PSMA1: variants seen among roughly 807,000 people sequenced by gnomAD.
PSMA1 encodes the protein proteasome 20S subunit alpha 1, also known as proteasome subunit alpha type-1.
PSMA1 carries 3 observed loss-of-function variants against 38.4 expected under a neutral mutation model. That is an observed-to-expected ratio of 0.08 (90% confidence interval 0.04 to 0.20). The LOEUF (loss-of-function observed/expected upper bound fraction) is 0.20, where lower values mean the gene tolerates loss of function less well. Among genes scored for constraint, PSMA1 ranks in the 10% least tolerant of loss-of-function variants. The pLI, the probability that PSMA1 is intolerant of heterozygous loss-of-function variation, is 1.00. For missense variants in PSMA1, 227 were observed against 325.3 expected (o/e 0.70, Z 2.32); for synonymous variants, 101 against 107.1 (o/e 0.94, Z 0.35).
intron 2 of PSMA1, among the ~76,000 whole-genome samples, chr11:14,536,426 C>G (rs1441380767): frequency 6.6e-6 from 1 of 151,726 alleles, no homozygotes; most frequent in African/African-American, 2.4e-5. Flanking sequence ...ACTCAGGAGG[C>G]TGAGGCAAGA....
intron 7 of PSMA1, 117 bp downstream of exon 7, chr11:14,513,453 T>A (rs2305306): frequency 0.36 from 409,895 of 1,131,976 alleles, 76,713 homozygotes; most frequent in East Asian, 0.46. Context: ...TAATTTTTTT[T>A]AAAAAAATTC....
At chr11:14,518,106 T>C in intron 2 of PSMA1, 125 bp from the exon 3 acceptor site, 3 of 188,660 alleles carry the variant, frequency 1.6e-5, no homozygotes, top group South Asian at 1.6e-4. Flanking sequence ...TCAAGAGACC[T>C]TTTTTTTTTT....
At chr11:14,607,502 T>C (rs1176280572) in intron 2 of PSMA1, among the ~76,000 whole-genome samples, 1 of 152,232 alleles carries the variant, frequency 6.6e-6, no homozygotes, top group Non-Finnish European at 1.5e-5. Context: ...GGCAACATTG[T>C]ACCCCTGGCT....
rs374853393 is a variant in PSMA1 at position 14,633,047 on chromosome 11, T to G, written c.-166+10408A>C. 7.5e-4 allele frequency among the ~76,000 whole-genome samples: 114 copies of G among 151,506 alleles called. 3 individuals carry two copies. The East Asian group carries it at 0.014, about 18-fold the overall frequency. ...CTAGTTATACATTCTTCTAAATTTTTTTCAAAGTTTTCAACTTCTTTGCCT... is the reference window on the plus strand; with the variant it reads ...CTAGTTATACATTCTTCTAAATTTTGTTCAAAGTTTTCAACTTCTTTGCCT... On this transcript the variant is annotated intron_variant, in intron 1 of 10. Coordinates refer to the PSMA1 transcript ENST00000418988.
At chr11:14,599,164 C>T (rs572802550) in intron 2 of PSMA1, among the ~76,000 whole-genome samples, 1 of 152,176 alleles carries the variant, frequency 6.6e-6, no homozygotes, top group African/African-American at 2.4e-5. Context: ...TCTGGCTGCA[C>T]TTAACATTTT....
At chr11:14,536,761 G>A (rs1364866051) in intron 2 of PSMA1, among the ~76,000 whole-genome samples, 4 of 151,860 alleles carry the variant, frequency 2.6e-5, no homozygotes, top group South Asian at 4.2e-4. Context: ...ACAGGCGCCC[G>A]CCACCACGCC....
intron 2 of PSMA1, among the ~76,000 whole-genome samples, chr11:14,602,482 A>C (rs1474403332): frequency 6.6e-6 from 1 of 152,142 alleles, no homozygotes; most frequent in East Asian, 1.9e-4. Context: ...AAAAAATCAT[A>C]GTAATAGAAA....
intron 1 of PSMA1, among the ~76,000 whole-genome samples, chr11:14,643,303 T>C (rs529249645): frequency 3.9e-5 from 6 of 152,028 alleles, no homozygotes; most frequent in African/African-American, 1.4e-4. Flanking sequence ...AGACCCACCC[T>C]GAAAGGGACT....
chr11:14,627,382 C>T (rs943799541), intron 1 of PSMA1, among the ~76,000 whole-genome samples: 4 of 152,124 alleles, frequency 2.6e-5, no homozygotes, highest in South Asian at 2.1e-4. Context: ...AGTCCCATCT[C>T]GGGTTTAATG....
intron 2 of PSMA1, among the ~76,000 whole-genome samples, chr11:14,529,534 C>T (rs947768741): frequency 2.0e-5 from 3 of 152,164 alleles, no homozygotes; most frequent in Non-Finnish European, 4.4e-5. Flanking sequence ...TCCAGGTTTC[C>T]TTCCTTCTTT....
At chr11:14,564,627 A>G (rs1852046895) in intron 2 of PSMA1, among the ~76,000 whole-genome samples, 1 of 152,188 alleles carries the variant, frequency 6.6e-6, no homozygotes, top group Admixed American at 6.5e-5. Flanking sequence ...AAACTGTCAG[A>G]GTGGCTGTCC....
In PSMA1 at chr11:14,593,706, A is replaced by T. The variant is rs191535387; in HGVS notation, c.21+17260T>A. ...GTCCTAATAAGAGAAAGGCACAAAG[A>T]TCGGCTTTCTTTCAGCAAAATCTGT... On this transcript the variant is annotated intron_variant, in intron 2 of 10. Coordinates refer to the PSMA1 transcript ENST00000418988. Among the ~76,000 whole-genome samples, 8 of 151,300 alleles carry T rather than the reference A, an allele frequency of 5.3e-5. No homozygotes were observed. In the East Asian group the frequency reaches 1.6e-3, roughly 30 times the overall value.
upstream of PSMA1, among the ~76,000 whole-genome samples, chr11:14,521,285 G>T (rs1851523267): frequency 6.7e-6 from 1 of 148,562 alleles, no homozygotes; most frequent in Non-Finnish European, 1.5e-5. Flanking sequence ...AATACAGTGG[G>T]ACCTCGTCGC....
intron 2 of PSMA1, among the ~76,000 whole-genome samples, chr11:14,576,313 G>T (rs1226280739): frequency 6.6e-6 from 1 of 152,094 alleles, no homozygotes; most frequent in Non-Finnish European, 1.5e-5. Flanking sequence ...TTTGGCTTTT[G>T]TTGCCATTGC....
chr11:14,592,822 A>C (rs1852440081), intron 2 of PSMA1, among the ~76,000 whole-genome samples: 1 of 152,220 alleles, frequency 6.6e-6, no homozygotes, highest in African/African-American at 2.4e-5. Flanking sequence ...CAGTCTCCTC[A>C]TATCTCAGGT....
At chr11:14,517,456 A>G (rs565692546) in intron 4 of PSMA1, among the ~76,000 whole-genome samples, 186 bp downstream of exon 4, 23 of 152,328 alleles carry the variant, frequency 1.5e-4, no homozygotes, top group Non-Finnish European at 1.9e-4. Context: ...TAATCTTATT[A>G]GTTACTCCTA....
At chr11:14,629,308 G>A (rs1425261883) in intron 1 of PSMA1, among the ~76,000 whole-genome samples, 3 of 152,060 alleles carry the variant, frequency 2.0e-5, no homozygotes, top group East Asian at 1.9e-4. Flanking sequence ...TAGGTCTAAC[G>A]TTTAAGTCTT....
At chr11:14,593,295 T>C (rs1181031811) in intron 2 of PSMA1, among the ~76,000 whole-genome samples, 2 of 152,244 alleles carry the variant, frequency 1.3e-5, no homozygotes, top group Non-Finnish European at 2.9e-5. Flanking sequence ...GAGAGCCTTG[T>C]ATATCTACAA....
At chr11:14,519,466 T>C (rs557770511) in intron 1 of PSMA1, among the ~76,000 whole-genome samples, 2 of 152,322 alleles carry the variant, frequency 1.3e-5, no homozygotes, top group African/African-American at 4.8e-5. Context: ...CCCCCTAACA[T>C]ATACTCCCAC....
Sources: allele counts gnomAD v4.1 joint callset (sites outside exome capture counted in the v4.1 genomes callset), GRCh38; gene constraint gnomAD v4.1.1; transcripts MANE v1.5; gene names NCBI Gene and HGNC (gene_info 2026-07-23, HGNC 2026-07-21).